Variants in CZIB observed in about 807,000 individuals in gnomAD.
The protein encoded by CZIB is UPF0587 protein C1orf123.
Under a neutral mutation model 28.3 loss-of-function variants are expected in CZIB, and 26 were observed. That is an observed-to-expected ratio of 0.92 (90% confidence interval 0.67 to 1.27). The LOEUF is 1.27. Ranked by LOEUF, CZIB falls within the 50% of genes most tolerant of loss-of-function variation. CZIB has a pLI of 0.00. For synonymous variants in CZIB, 78 were observed against 71.1 expected (o/e 1.10, Z -0.49); for missense variants, 179 against 197.3 (o/e 0.91, Z 0.56).
intron 1 of CZIB, 86 bp downstream of exon 1, chr1:53,220,484 C>G: frequency 6.3e-7 from 1 of 1,591,060 alleles, no homozygotes; most frequent in Non-Finnish European, 8.5e-7. Context: ...CACCCACTCG[C>G]TTCATCTCCT....
chr1:53,214,769 A>G (rs1422412534), intron 7 of CZIB, 33 bp from the exon 8 acceptor site: 2 of 1,585,620 alleles, frequency 1.3e-6, no homozygotes, highest in African/African-American at 1.3e-5. Context: ...TAGCCTCACA[A>G]CGCAGAATGC....
At chr1:53,217,854 T>G in intron 5 of CZIB, 1 of 345,758 alleles carries the variant, frequency 2.9e-6, no homozygotes, top group Non-Finnish European at 5.3e-6. Context: ...ACCCCACCCA[T>G]GGTTTCAGAG....
chr1:53,218,347 C>T lies in CZIB; in HGVS notation c.229+67G>A. The T allele has an allele frequency of 1.9e-6, 3 of 1,597,278 alleles. No homozygotes were observed. In the South Asian group the frequency reaches 3.3e-5, roughly 18 times the overall value. On this transcript the variant is annotated intron_variant, in intron 4 of 7. Coordinates refer to ENST00000294360, the MANE Select transcript of CZIB (RefSeq NM_017887.3). ...TCCACCCTCAGGTAACATGAGTCTA[C>T]TTTCAGCCTGGTGCCAGGAAGCTGT...
At position 53,218,458 on chromosome 1, in the gene CZIB, G is replaced by C. The variant is rs1572390749; in HGVS notation, c.185C>G (p.Ser62Cys). 1 of 1,614,182 alleles carries C rather than the reference G, an allele frequency of 6.2e-7. No homozygotes were observed. The highest frequency in any genetic ancestry group is 2.2e-5 in the East Asian group (1 of 44,882). The change falls in exon 4 of 8, where the codon TCC becomes TGC. Residue 62 changes from serine to cysteine, a missense_variant. By Grantham distance (112) the Ser-to-Cys change is moderately radical (BLOSUM62 -1). Transcript: ENST00000294360. The part of the protein sequence containing the change: ...VALKGGRGSA[S>C]MVQKCKLCAR... ...ACACAGCTTGCACTTCTGGACCATG[G>C]AAGCACTGCCACGGCCCCCCTTCAG...
intron 2 of CZIB, 56 bp from the exon 3 acceptor site, chr1:53,218,979 G>C: frequency 6.8e-7 from 1 of 1,477,892 alleles, no homozygotes; most frequent in South Asian, 1.1e-5. Flanking sequence ...AGACACCAAG[G>C]AAAGGGTAAG....
intron 6 of CZIB, 142 bp downstream of exon 6, chr1:53,216,640 G>A (rs538053907): frequency 6.9e-6 from 5 of 724,750 alleles, no homozygotes; most frequent in Middle Eastern, 2.4e-4. Context: ...CAAGCATACA[G>A]CAGCCACTTA....
At chr1:53,216,338 A>G (rs1645472850) in intron 6 of CZIB, among the ~76,000 whole-genome samples, 1 of 152,146 alleles carries the variant, frequency 6.6e-6, no homozygotes. Context: ...TGGGCATGTC[A>G]TTTCCCAGGT....
At chr1:53,217,565 A>G (rs978011021) in intron 5 of CZIB, 3 of 153,610 alleles carry the variant, frequency 2.0e-5, no homozygotes, top group Non-Finnish European at 4.3e-5. Context: ...CTGGTAAGGC[A>G]CTTCTCTGTT....
At position 53,220,352 on chromosome 1, in the gene CZIB, G is replaced by T. The variant is rs772571694; in HGVS notation, c.7-8C>A. The T allele has an allele frequency of 1.2e-6, 2 of 1,611,738 alleles. No individual in the cohort carries two copies. Among genetic ancestry groups the T allele is most frequent in the Non-Finnish European group, 1.7e-6 (2 of 1,179,810 alleles). On this transcript the variant is annotated splice_region_variant and splice_polypyrimidine_tract_variant and intron_variant, in intron 1 of 7. Transcript: ENST00000294360. ...GAGTTGCAGCGCGATTTTCTGAGGG[G>T]GAGGGCCAGAGCGACTGCGTCAGCC...
intron 2 of CZIB, 27 bp from the exon 3 acceptor site, chr1:53,218,950 G>A (rs1400682458): frequency 2.5e-6 from 4 of 1,603,774 alleles, no homozygotes; most frequent in African/African-American, 1.3e-5. Flanking sequence ...TGTTAGTAAA[G>A]CAGCTGGCTC....
intron 1 of CZIB, 72 bp downstream of exon 1, chr1:53,220,498 G>A: frequency 6.3e-7 from 1 of 1,597,232 alleles, no homozygotes; most frequent in Admixed American, 1.7e-5. Flanking sequence ...ATCTCCTCCT[G>A]GCGCGAGCTG....
chr1:53,220,463 C>G, intron 1 of CZIB, 107 bp downstream of exon 1: 2 of 1,580,972 alleles, frequency 1.3e-6, no homozygotes, highest in Non-Finnish European at 1.7e-6. Flanking sequence ...GCCTCCTGCT[C>G]CTTCAGCGCG....
Position 53,220,625 on chromosome 1 carries a change from G to C in CZIB, c.-50C>G, listed in dbSNP as rs756666962. 2.5e-6 allele frequency: 4 copies of C among 1,589,276 alleles called. No homozygotes were observed. Among genetic ancestry groups the C allele is most frequent in the Middle Eastern group, 2.1e-4 (1 of 4,716 alleles). ...GCTGCGGCCCTTGCCGTTGCTTTCC[G>C]GCGCGTCGTAAAAGGCGGGTGCCGT... On this transcript the variant is annotated 5_prime_UTR_variant, in exon 1 of 8. Coordinates refer to ENST00000294360, the MANE Select transcript of CZIB (RefSeq NM_017887.3).
chr1:53,216,894 A>G (rs550433680), intron 5 of CZIB, 35 bp from the exon 6 acceptor site: 35 of 1,574,192 alleles, frequency 2.2e-5, no homozygotes, highest in Non-Finnish European at 2.7e-5. Flanking sequence ...GCAGGCCCAA[A>G]TGAGCTCTCA....
At chr1:53,215,182 A>G (rs1352472744) in intron 7 of CZIB, among the ~76,000 whole-genome samples, 1 of 152,150 alleles carries the variant, frequency 6.6e-6, no homozygotes, top group African/African-American at 2.4e-5. Flanking sequence ...TCTACTAAAA[A>G]TACAAAAAAT....
intron 5 of CZIB, chr1:53,217,164 C>T (rs531756389): frequency 4.1e-5 from 12 of 294,388 alleles, no homozygotes; most frequent in South Asian, 4.1e-4. Flanking sequence ...CAAATAGAGC[C>T]GAGGAAACCT....
chr1:53,219,830 G>A (rs1645506777), intron 2 of CZIB: 1 of 162,580 alleles, frequency 6.2e-6, no homozygotes, highest in Non-Finnish European at 1.4e-5. Context: ...TGCTGGGGAA[G>A]GGGAGGCCTC....
At position 53,214,407 on chromosome 1, in the gene CZIB, T is replaced by G. The variant is rs1208137770; in HGVS notation, c.*252A>C. ...CTCTTCATTTTCCTAAGGAGTGAAC[T>G]GCTGCTGCACGAATTCTTATTTGTG... On this transcript the variant is annotated 3_prime_UTR_variant, in exon 8 of 8. Transcript: ENST00000294360. 6.3e-6 allele frequency: 3 copies of G among 477,764 alleles called. No individual in the cohort carries two copies. The highest frequency in any genetic ancestry group is 1.1e-5 in the Non-Finnish European group (3 of 265,322). 29.6% of individuals were successfully genotyped at this position (477,764 alleles called of 1,614,324 possible). A position where few individuals can be genotyped will look rare whatever the true frequency, so the allele number is the denominator to read the frequency against.
chr1:53,217,980 G>C (rs1405328852), intron 5 of CZIB, 192 bp downstream of exon 5: 1 of 632,050 alleles, frequency 1.6e-6, no homozygotes, highest in Non-Finnish European at 2.8e-6. Context: ...CTCATAAGAA[G>C]GCACTGCAAG....
Sources: allele counts gnomAD v4.1 joint callset (sites outside exome capture counted in the v4.1 genomes callset), GRCh38; gene constraint gnomAD v4.1.1; transcripts MANE v1.5; gene names NCBI Gene and HGNC (gene_info 2026-07-23, HGNC 2026-07-21).